The following RGPD1 variants were observed in gnomAD, a reference collection of about 807,000 sequenced individuals.
RGPD1 encodes the protein RANBP2 like and GRIP domain containing 1.
Under a neutral mutation model 40.6 loss-of-function variants are expected in RGPD1, and 7 were observed. The ratio of observed to expected loss-of-function variants is 0.17; its 90% CI spans 0.10 to 0.32. The LOEUF (loss-of-function observed/expected upper bound fraction) is 0.32, where lower values mean the gene tolerates loss of function less well. Ranked by LOEUF, RGPD1 falls within the 10% of genes least tolerant of loss-of-function variation. The pLI, the probability that RGPD1 is intolerant of heterozygous loss-of-function variation, is 1.00. For synonymous variants in RGPD1, 24 were observed against 167.0 expected, an observed-to-expected ratio of 0.14 and a Z score of 6.60; for missense variants, 50 against 472.5, an observed-to-expected ratio of 0.11 and a Z score of 8.29.
upstream of RGPD1, among the ~76,000 whole-genome samples, chr2:86,937,241 A>G (rs1391797125): frequency 1.0e-5 from 1 of 96,082 alleles, no homozygotes; most frequent in Non-Finnish European, 1.9e-5. Context: ...GACTGAGACA[A>G]GAATAACCAG....
chr2:86,914,569 G>GCGGCCT lies in RGPD1; in HGVS notation c.72+667_72+672dup, dbSNP rs1163896281. On this transcript the variant is annotated intron_variant, in intron 1 of 22. Transcript: ENST00000398193. ...GGCGGCGGCGGCGGCGGCGGCGGCGGCGGCCTCGGCCTCGGCCTCGGCCTT... is the reference window on the plus strand; with the variant it reads ...GGCGGCGGCGGCGGCGGCGGCGGCGGCGGCCTCGGCCTCGGCCTCGGCCTCGGCCTT... Among the ~76,000 whole-genome samples the GCGGCCT allele has an allele frequency of 1.6e-3, 57 of 35,890 alleles. 12 individuals carry two copies. Among genetic ancestry groups the GCGGCCT allele is most frequent in the Non-Finnish European group, 3.0e-3 (45 of 14,968 alleles). 23.5% of individuals were successfully genotyped at this position (35,890 alleles called of 152,430 possible).
intron 1 of RGPD1, among the ~76,000 whole-genome samples, chr2:86,918,453 C>CTTTTTT (rs1160123598): frequency 1.2e-4 from 9 of 78,086 alleles, no homozygotes; most frequent in African/African-American, 1.8e-4. Flanking sequence ...CACACCAAAT[C>CTTTTTT]TTTTTTTTTT....
chr2:86,923,419 G>A (rs1454049498), intron 1 of RGPD1, among the ~76,000 whole-genome samples: 2 of 151,296 alleles, frequency 1.3e-5, no homozygotes, highest in African/African-American at 4.9e-5. Context: ...TACATCTTGA[G>A]TTTACAGTTT....
At chr2:86,960,195 A>C (rs1198574612) in intron 6 of RGPD1, among the ~76,000 whole-genome samples, 3 of 99,844 alleles carry the variant, frequency 3.0e-5, no homozygotes, top group Non-Finnish European at 5.9e-5. Context: ...TGAGGAAGAT[A>C]AAAAGCTGGT....
upstream of RGPD1, among the ~76,000 whole-genome samples, chr2:86,941,649 T>C (rs1679758445): frequency 6.6e-6 from 1 of 151,610 alleles, no homozygotes; most frequent in South Asian, 2.1e-4. Context: ...GGGGCCTGCA[T>C]ATAGAGAGGT....
chr2:86,931,467 A>T (rs1170736852), intron 1 of RGPD1, among the ~76,000 whole-genome samples: 1 of 150,954 alleles, frequency 6.6e-6, no homozygotes, highest in East Asian at 2.0e-4. Flanking sequence ...GGGTTCTGGG[A>T]GGTGGTATTT....
At chr2:86,978,115 A>G (rs1180362201) in intron 17 of RGPD1, among the ~76,000 whole-genome samples, 184 bp downstream of exon 17, 10 of 120,652 alleles carry the variant, frequency 8.3e-5, no homozygotes, top group African/African-American at 3.6e-4. Flanking sequence ...AGGCTGCAGT[A>G]CAGTGGTATG....
At chr2:87,006,613 T>G (rs1307853982) in intron 22 of RGPD1, among the ~76,000 whole-genome samples, 1 of 148,578 alleles carries the variant, frequency 6.7e-6, no homozygotes, top group East Asian at 1.9e-4. Context: ...CACAAAAAAT[T>G]AGCCAGGCGT....
intron 1 of RGPD1, among the ~76,000 whole-genome samples, chr2:86,943,276 C>T (rs184112667): frequency 4.7e-5 from 5 of 106,530 alleles, no homozygotes; most frequent in African/African-American, 1.8e-4. Flanking sequence ...CTCCCTCGCC[C>T]CCCCCCCACC....
intron 1 of RGPD1, chr2:86,930,699 G>A (rs541440783): frequency 6.4e-5 from 101 of 1,584,874 alleles, no homozygotes; most frequent in African/African-American, 5.1e-4. Flanking sequence ...CTGTTGCGGC[G>A]CCCGAAGTGC....
chr2:86,988,459 AC>A, intron 20 of RGPD1, among the ~76,000 whole-genome samples: 2 of 101,390 alleles, frequency 2.0e-5, no homozygotes, highest in African/African-American at 3.5e-5. Context: ...AAAAAAAAAA[AC>A]AAAAAAACAA....
At chr2:86,939,494 G>C (rs944199828), upstream of RGPD1, among the ~76,000 whole-genome samples, 7 of 146,770 alleles carry the variant, frequency 4.8e-5, no homozygotes, top group Non-Finnish European at 1.0e-4. Context: ...CACAAGAATT[G>C]CTTGAACCTG....
chr2:86,936,905 G>A (rs1458513596), intron 1 of RGPD1, among the ~76,000 whole-genome samples: 3 of 136,510 alleles, frequency 2.2e-5, no homozygotes, highest in Non-Finnish European at 4.7e-5. Context: ...TAACAAAGAG[G>A]TCTGAGACAG....
chr2:86,956,043 A>G (rs1051933384), intron 4 of RGPD1, among the ~76,000 whole-genome samples: 3 of 149,722 alleles, frequency 2.0e-5, no homozygotes, highest in Non-Finnish European at 3.0e-5. Context: ...TGGAATTGAA[A>G]TCCATGAGAT....
chr2:86,945,585 CTT>C (rs1680289456), intron 1 of RGPD1, among the ~76,000 whole-genome samples: 1 of 152,168 alleles, frequency 6.6e-6, no homozygotes, highest in Non-Finnish European at 1.5e-5. Flanking sequence ...TTAGTCTTCT[CTT>C]GTTTTGCCAT....
chr2:86,943,032 C>T (rs1408514046), intron 1 of RGPD1, among the ~76,000 whole-genome samples: 2 of 151,326 alleles, frequency 1.3e-5, no homozygotes, highest in Non-Finnish European at 1.5e-5. Context: ...ATGTCCTGGA[C>T]ATTTACTTTA....
chr2:86,941,750 G>C (rs1345206666), upstream of RGPD1, among the ~76,000 whole-genome samples: 1 of 149,376 alleles, frequency 6.7e-6, no homozygotes, highest in Non-Finnish European at 1.5e-5. Context: ...TCTTACTCTC[G>C]CCCAGGCTTG....
chr2:86,914,253 G>T (rs1490607730), intron 1 of RGPD1, among the ~76,000 whole-genome samples: 1 of 96,320 alleles, frequency 1.0e-5, no homozygotes, highest in Admixed American at 9.5e-5. Flanking sequence ...GGCGGCGGCG[G>T]CGGCCTCGGC....
upstream of RGPD1, among the ~76,000 whole-genome samples, chr2:86,938,352 A>G (rs1679475472): frequency 1.7e-5 from 2 of 120,012 alleles, no homozygotes; most frequent in South Asian, 5.4e-4. Flanking sequence ...TAAACAGAAA[A>G]TCACAAAAAC....
Sources: allele counts gnomAD v4.1 joint callset (sites outside exome capture counted in the v4.1 genomes callset), GRCh38; gene constraint gnomAD v4.1.1; transcripts MANE v1.5; gene names NCBI Gene and HGNC (gene_info 2026-07-23, HGNC 2026-07-21).